Variants in LRFN2 observed in about 807,000 individuals in gnomAD.
LRFN2 encodes leucine rich repeat and fibronectin type III domain containing 2.
Under a neutral mutation model 37.3 loss-of-function variants are expected in LRFN2, and 18 were observed. The observed-to-expected ratio is 0.48, with a 90% CI of 0.33 to 0.72. The LOEUF (loss-of-function observed/expected upper bound fraction) is 0.72. Among genes scored for constraint, LRFN2 ranks in the 30% least tolerant of loss-of-function variants. LRFN2 has a pLI of 0.02. For missense variants in LRFN2, 1,006 were observed against 1,060.7 expected (o/e 0.95, Z 0.72); for synonymous variants, 556 against 466.6 (o/e 1.19, Z -2.47).
chr6:40,449,998 C>G (rs941009535), intron 1 of LRFN2, among the ~76,000 whole-genome samples: 4 of 152,172 alleles, frequency 2.6e-5, no homozygotes, highest in Non-Finnish European at 4.4e-5. Flanking sequence ...AAGGTGGCAT[C>G]CCAGCCCCCT....
intron 1 of LRFN2, among the ~76,000 whole-genome samples, chr6:40,506,328 G>A (rs996587967): frequency 6.6e-6 from 1 of 152,148 alleles, no homozygotes; most frequent in African/African-American, 2.4e-5. Context: ...GGAGATTTGT[G>A]CAGGAACTTG....
intron 1 of LRFN2, among the ~76,000 whole-genome samples, chr6:40,537,530 C>T (rs1766472311): frequency 6.6e-6 from 1 of 152,176 alleles, no homozygotes; most frequent in African/African-American, 2.4e-5. Flanking sequence ...CCAAGGCCCA[C>T]TTCAACTGCC....
At chr6:40,420,338 G>T (rs1490107355) in intron 2 of LRFN2, among the ~76,000 whole-genome samples, 1 of 152,200 alleles carries the variant, frequency 6.6e-6, no homozygotes, top group Non-Finnish European at 1.5e-5. Context: ...CACCCACAGG[G>T]TGCCCACTCC....
intron 1 of LRFN2, among the ~76,000 whole-genome samples, chr6:40,472,787 C>T (rs1450006049): frequency 2.0e-5 from 3 of 152,178 alleles, no homozygotes; most frequent in Non-Finnish European, 4.4e-5. Context: ...CTTTCAGGCA[C>T]CTTGGCAGGC....
chr6:40,453,685 T>A (rs1764170583), intron 1 of LRFN2, among the ~76,000 whole-genome samples: 1 of 152,150 alleles, frequency 6.6e-6, no homozygotes, highest in South Asian at 2.1e-4. Context: ...GGAAGCGTGA[T>A]CAGGACTGGG....
chr6:40,475,036 C>T (rs1321246000), intron 1 of LRFN2, among the ~76,000 whole-genome samples: 4 of 152,126 alleles, frequency 2.6e-5, no homozygotes, highest in Non-Finnish European at 4.4e-5. Context: ...TTATGGTTGT[C>T]GGAGACTAGG....
intron 1 of LRFN2, among the ~76,000 whole-genome samples, chr6:40,568,989 A>G (rs1484582328): frequency 6.6e-6 from 1 of 152,170 alleles, no homozygotes; most frequent in African/African-American, 2.4e-5. Context: ...ACCAGACGGG[A>G]GCACCCACTT....
chr6:40,496,625 G>A (rs1473177581), intron 1 of LRFN2, among the ~76,000 whole-genome samples: 1 of 152,000 alleles, frequency 6.6e-6, no homozygotes, highest in African/African-American at 2.4e-5. Context: ...CAGATGCAGT[G>A]TCCTCAGAGA....
chr6:40,552,795 G>A (rs1766800867), intron 1 of LRFN2, among the ~76,000 whole-genome samples: 1 of 151,630 alleles, frequency 6.6e-6, no homozygotes, highest in Admixed American at 6.6e-5. Context: ...TTTCATATTT[G>A]CATATTCCTG....
intron 1 of LRFN2, among the ~76,000 whole-genome samples, chr6:40,497,382 T>C (rs947133950): frequency 6.6e-6 from 1 of 152,126 alleles, no homozygotes; most frequent in African/African-American, 2.4e-5. Context: ...CTACATCGTC[T>C]TTTCTGCTCT....
chr6:40,495,835 C>T (rs1167455897), intron 1 of LRFN2, among the ~76,000 whole-genome samples: 1 of 152,150 alleles, frequency 6.6e-6, no homozygotes, highest in African/African-American at 2.4e-5. Flanking sequence ...ATACGACTTC[C>T]AACACCTTCT....
At chr6:40,479,399 G>A (rs1041210941) in intron 1 of LRFN2, among the ~76,000 whole-genome samples, 7 of 152,172 alleles carry the variant, frequency 4.6e-5, no homozygotes, top group African/African-American at 1.7e-4. Context: ...AAGGCACAAG[G>A]GTTTTAGTGC....
At chr6:40,506,603 G>A (rs1239283617) in intron 1 of LRFN2, among the ~76,000 whole-genome samples, 1 of 152,152 alleles carries the variant, frequency 6.6e-6, no homozygotes, top group Non-Finnish European at 1.5e-5. Context: ...ATGCTGGCGG[G>A]TTCCCCAGGC....
chr6:40,435,026 TATATATATATATATATATATATATATAG>T (rs1227866808), intron 1 of LRFN2, among the ~76,000 whole-genome samples: 2 of 76,832 alleles, frequency 2.6e-5, no homozygotes, highest in East Asian at 4.2e-4. Context: ...TATATATATA[TATATATATATATATATATATATATATAG>T]AGAGAGAGAG....
chr6:40,462,227 T>C (rs1764363134), intron 1 of LRFN2, among the ~76,000 whole-genome samples: 1 of 152,200 alleles, frequency 6.6e-6, no homozygotes, highest in Non-Finnish European at 1.5e-5. Flanking sequence ...TTCTTAACCC[T>C]GGCTTGGTCC....
intron 2 of LRFN2, among the ~76,000 whole-genome samples, chr6:40,419,578 G>T (rs925973442): frequency 1.3e-5 from 2 of 152,184 alleles, no homozygotes; most frequent in African/African-American, 4.8e-5. Flanking sequence ...AAGCCACCTA[G>T]AGTTTGAGGT....
chr6:40,538,733 C>A (rs205510), intron 1 of LRFN2, among the ~76,000 whole-genome samples: 12,560 of 152,342 alleles, frequency 0.082, 635 homozygotes, highest in South Asian at 0.11. Flanking sequence ...AGCGCAGCCC[C>A]TCTCCACCTG....
At chr6:40,484,570 G>A (rs953423190) in intron 1 of LRFN2, among the ~76,000 whole-genome samples, 4 of 152,168 alleles carry the variant, frequency 2.6e-5, no homozygotes, top group South Asian at 2.1e-4. Context: ...CTCTGATCCC[G>A]CTAAGAGTAT....
chr6:40,541,369 A>G (rs1333121577), intron 1 of LRFN2, among the ~76,000 whole-genome samples: 1 of 152,168 alleles, frequency 6.6e-6, no homozygotes, highest in African/African-American at 2.4e-5. Context: ...CCTTCTGCAC[A>G]AGGCACAGTG....
Sources: gnomAD v4.1 joint callset for allele counts (sites outside exome capture counted in the v4.1 genomes callset) on GRCh38, gnomAD v4.1.1 for gene constraint, MANE v1.5 for transcripts, NCBI Gene and HGNC (gene_info 2026-07-23, HGNC 2026-07-21) for gene names.